Variants in CHD1L observed in about 807,000 individuals in gnomAD.
CHD1L encodes the protein ATP-dependent chromatin remodeler CHD1L.
In CHD1L, 118 loss-of-function variants were observed where a neutral mutation model predicts 115.9. The observed-to-expected ratio is 1.02, with a 90% CI of 0.88 to 1.19. The LOEUF is 1.19. Ranked by LOEUF, CHD1L falls within the 50% of genes most tolerant of loss-of-function variation. CHD1L has a pLI of 0.00. For missense variants in CHD1L, 1,179 were observed against 1,065.3 expected (o/e 1.11, Z -1.49); for synonymous variants, 411 against 387.1 (o/e 1.06, Z -0.72).
At chr1:147,215,817 C>G in the CHD1L span, 1 of 1,613,638 alleles carries the variant, frequency 6.2e-7, no homozygotes, top group South Asian at 1.1e-5. Flanking sequence ...ACTCCAGGAC[C>G]TGGGCATTAT....
the CHD1L span, among the ~76,000 whole-genome samples, chr1:147,233,517 G>A: frequency 6.6e-6 from 1 of 151,266 alleles, no homozygotes; most frequent in Non-Finnish European, 1.5e-5. Context: ...TCCGGGAGGT[G>A]AGGGGCGCCT....
At chr1:147,194,417 G>A in the CHD1L span, among the ~76,000 whole-genome samples, 9 of 151,996 alleles carry the variant, frequency 5.9e-5, no homozygotes, top group African/African-American at 2.2e-4. Context: ...ACATGAGATG[G>A]GTTTCCTGAA....
the CHD1L span, among the ~76,000 whole-genome samples, chr1:147,234,183 G>A: frequency 2.6e-5 from 4 of 152,208 alleles, no homozygotes; most frequent in African/African-American, 7.2e-5. Context: ...CTGATTCTCT[G>A]TTGGATTACC....
intron 14 of CHD1L, among the ~76,000 whole-genome samples, chr1:147,276,646 A>C (rs1383919307): frequency 2.0e-5 from 3 of 152,146 alleles, no homozygotes; most frequent in African/African-American, 4.8e-5. Context: ...ATTACTTCAT[A>C]CTCAGAAGAG....
At chr1:147,233,321 G>A in the CHD1L span, among the ~76,000 whole-genome samples, 1 of 151,802 alleles carries the variant, frequency 6.6e-6, no homozygotes. Flanking sequence ...CCATCCAGGA[G>A]GGAGGTGGGG....
At chr1:147,216,035 G>T in the CHD1L span, 1 of 877,182 alleles carries the variant, frequency 1.1e-6, no homozygotes, top group Non-Finnish European at 1.8e-6. Flanking sequence ...TCTGAAAGAA[G>T]TGTCAATTAA....
the CHD1L span, among the ~76,000 whole-genome samples, chr1:147,180,450 C>T: frequency 1.3e-5 from 2 of 152,072 alleles, no homozygotes; most frequent in African/African-American, 4.8e-5. Flanking sequence ...TGCCACCACG[C>T]CTAGTCAATC....
the CHD1L span, chr1:147,178,864 A>G: frequency 1.3e-6 from 2 of 1,581,698 alleles, no homozygotes. Flanking sequence ...GACAGAAGAC[A>G]ATAAAGATTT....
chr1:147,268,751 C>T (rs1359403551), intron 9 of CHD1L, 31 bp from the exon 10 acceptor site: 1 of 1,583,368 alleles, frequency 6.3e-7, no homozygotes, highest in Non-Finnish European at 8.7e-7. Context: ...ACTGAGGGCA[C>T]ATTACTGGGA....
the CHD1L span, among the ~76,000 whole-genome samples, chr1:147,194,074 G>A: frequency 6.6e-6 from 1 of 152,090 alleles, no homozygotes; most frequent in African/African-American, 2.4e-5. Flanking sequence ...TTAACCTTCT[G>A]TCTCGTTGAT....
At chr1:147,279,845 C>G (rs782288917) in intron 14 of CHD1L, among the ~76,000 whole-genome samples, 181 bp from the exon 15 acceptor site, 1 of 152,132 alleles carries the variant, frequency 6.6e-6, no homozygotes, top group Non-Finnish European at 1.5e-5. Context: ...TCTCTGCTTA[C>G]CCATCATCCA....
At chr1:147,179,419 G>T in the CHD1L span, 1 of 1,596,086 alleles carries the variant, frequency 6.3e-7, no homozygotes, top group Non-Finnish European at 8.6e-7. Context: ...CAAGATGGAT[G>T]CCACAGCCAA....
At chr1:147,194,913 C>G in the CHD1L span, among the ~76,000 whole-genome samples, 1 of 151,818 alleles carries the variant, frequency 6.6e-6, no homozygotes, top group Non-Finnish European at 1.5e-5. Context: ...GTGGGTAACC[C>G]GACCTTTCTC....
At chr1:147,198,850 CA>C in the CHD1L span, among the ~76,000 whole-genome samples, 923 of 51,780 alleles carry the variant, frequency 0.018, 1 homozygote, top group Non-Finnish European at 0.024. Flanking sequence ...GACTGCATCT[CA>C]AAAAAAAAAA....
chr1:147,257,460 A>C (rs587710343), intron 5 of CHD1L, among the ~76,000 whole-genome samples: 1 of 152,202 alleles, frequency 6.6e-6, no homozygotes, highest in South Asian at 2.1e-4. Context: ...TTTTATTATT[A>C]ATATTCAACT....
the CHD1L span, among the ~76,000 whole-genome samples, chr1:147,201,805 C>A: frequency 8.5e-5 from 13 of 152,186 alleles, no homozygotes; most frequent in African/African-American, 2.6e-4. Context: ...TATGATAAGG[C>A]CACAGGTCAA....
chr1:147,200,073 G>A, the CHD1L span, among the ~76,000 whole-genome samples: 1 of 152,100 alleles, frequency 6.6e-6, no homozygotes, highest in Non-Finnish European at 1.5e-5. Context: ...GGCCCAGTGA[G>A]CATTCAGTCA....
At chr1:147,230,961 C>T in the CHD1L span, among the ~76,000 whole-genome samples, 7 of 151,996 alleles carry the variant, frequency 4.6e-5, no homozygotes, top group Middle Eastern at 3.4e-3. Flanking sequence ...AAAAAAGCTC[C>T]TGGATTCATT....
the CHD1L span, among the ~76,000 whole-genome samples, chr1:147,201,944 A>G: frequency 6.6e-6 from 1 of 152,192 alleles, no homozygotes; most frequent in African/African-American, 2.4e-5. Context: ...ATGATAAATT[A>G]CATGTATGTA....
Sources: gnomAD v4.1 joint callset for allele counts (sites outside exome capture counted in the v4.1 genomes callset) on GRCh38, gnomAD v4.1.1 for gene constraint, MANE v1.5 for transcripts, NCBI Gene and HGNC (gene_info 2026-07-23, HGNC 2026-07-21) for gene names.